Variants in SPECC1 observed in about 807,000 individuals in gnomAD.
SPECC1 encodes cytospin-B.
A neutral mutation model predicts 104.1 loss-of-function variants in SPECC1; 62 were observed. That is an observed-to-expected ratio of 0.60 (90% CI 0.49 to 0.74). The LOEUF (loss-of-function observed/expected upper bound fraction) is 0.74. SPECC1 is among the 30% of genes least tolerant of loss of function. The pLI is 0.00. For synonymous variants in SPECC1, 513 were observed against 501.6 expected (o/e 1.02, Z -0.30); for missense variants, 1,306 against 1,310.5 (o/e 1.00, Z 0.05).
chr17:20,061,926 G>C (rs1461580564), intron 1 of SPECC1, among the ~76,000 whole-genome samples: 1 of 151,932 alleles, frequency 6.6e-6, no homozygotes, highest in African/African-American at 2.4e-5. Flanking sequence ...TACCTATTAT[G>C]TTTCAGATCC....
chr17:20,098,271 C>T (rs1276715513), intron 2 of SPECC1, among the ~76,000 whole-genome samples: 2 of 152,202 alleles, frequency 1.3e-5, no homozygotes, highest in African/African-American at 2.4e-5. Context: ...CAGCCAGTGG[C>T]ATCACCCTTA....
intron 3 of SPECC1, among the ~76,000 whole-genome samples, chr17:20,153,177 A>T (rs2032169977): frequency 1.3e-5 from 2 of 152,226 alleles, no homozygotes; most frequent in South Asian, 4.1e-4. Flanking sequence ...GAGGTGTTGA[A>T]ACCGACGGAA....
At position 20,279,901 on chromosome 17, in the gene SPECC1, C is replaced by T. The variant is rs564827939; in HGVS notation, c.2941-17060C>T. ...ATGCAGAAGCAGAGTGGCTGACACA[C>T]GCTGCAACACAGATGGGTCTGAGGA... On this transcript the variant is annotated intron_variant, in intron 12 of 14. Coordinates refer to ENST00000395527, the MANE Select transcript of SPECC1 (RefSeq NM_001243439.2). Among the ~76,000 whole-genome samples, 11 of 152,192 alleles carry T rather than the reference C, an allele frequency of 7.2e-5. No homozygotes were observed. In the South Asian group the frequency reaches 1.0e-3, roughly 14 times the overall value.
At chr17:20,303,655 C>A (rs1205764781) in intron 13 of SPECC1, among the ~76,000 whole-genome samples, 1 of 152,088 alleles carries the variant, frequency 6.6e-6, no homozygotes, top group Non-Finnish European at 1.5e-5. Flanking sequence ...TCTAAACATA[C>A]AAAATTAAGA....
At chr17:20,163,161 CTAAT>C (rs1266145960) in intron 3 of SPECC1, among the ~76,000 whole-genome samples, 2 of 152,132 alleles carry the variant, frequency 1.3e-5, no homozygotes, top group African/African-American at 4.8e-5. Flanking sequence ...AGAGCTTCCC[CTAAT>C]TAAGACAGAA....
chr17:20,222,410 AAG>A (rs1177129146), intron 4 of SPECC1, among the ~76,000 whole-genome samples: 2 of 152,208 alleles, frequency 1.3e-5, no homozygotes, highest in Non-Finnish European at 2.9e-5. Context: ...TGCTGAGGAA[AAG>A]AGTGTGTATT....
At chr17:20,088,344 G>T (rs927883224) in intron 1 of SPECC1, among the ~76,000 whole-genome samples, 54 of 152,194 alleles carry the variant, frequency 3.5e-4, no homozygotes, top group African/African-American at 1.3e-3. Flanking sequence ...AGACTCCTGT[G>T]GCTGCTGAAT....
chr17:20,089,932 C>T (rs1018208719), intron 1 of SPECC1, among the ~76,000 whole-genome samples: 5 of 152,118 alleles, frequency 3.3e-5, no homozygotes, highest in African/African-American at 4.8e-5. Context: ...TAGGGAAGTC[C>T]GGGCTGAAGC....
chr17:20,237,272 G>T, intron 7 of SPECC1: 1 of 1,103,198 alleles, frequency 9.1e-7, no homozygotes, highest in Non-Finnish European at 1.1e-6. Flanking sequence ...GCAGGCCCGA[G>T]TTCTTTTGTT....
chr17:20,243,488 G>C (rs1156393691), intron 7 of SPECC1, among the ~76,000 whole-genome samples: 1 of 152,094 alleles, frequency 6.6e-6, no homozygotes, highest in Non-Finnish European at 1.5e-5. Flanking sequence ...TAAGCCAATA[G>C]CATTCTTAAT....
chr17:20,184,450 G>A (rs1371062423), intron 3 of SPECC1, among the ~76,000 whole-genome samples: 2 of 152,132 alleles, frequency 1.3e-5, no homozygotes, highest in Non-Finnish European at 2.9e-5. Flanking sequence ...GCAAGTAGGG[G>A]ATTTTGATTA....
At position 20,257,502 on chromosome 17, in the gene SPECC1, A is replaced by G. The variant is rs1264827533; in HGVS notation, c.2732A>G (p.Lys911Arg). The G allele has an allele frequency of 1.2e-6, 2 of 1,610,590 alleles. No homozygotes were observed. Among genetic ancestry groups the G allele is most frequent in the South Asian group, 1.1e-5 (1 of 90,402 alleles). ...CTGAAGCCAGACCCCCACCTCCGCA[A>G]GAGTCCCTCACTAGAGTCACTGAGC... ...ETLKPDPHLR[K>R]SPSLESLSRP... is the part of the protein sequence containing the mutation. Residue 911 changes from lysine to arginine, a missense_variant, in exon 11 of 15, where the codon AAG becomes AGG. This residue lies in a region of SPECC1 where 1,177 missense variants were observed against 1,139.9 expected (regional missense o/e 1.03). Transcript: ENST00000395527.
At chr17:20,225,990 G>T (rs1342278241) in intron 4 of SPECC1, among the ~76,000 whole-genome samples, 1 of 151,768 alleles carries the variant, frequency 6.6e-6, no homozygotes, top group African/African-American at 2.4e-5. Context: ...GATACTAGGG[G>T]TGCAATGGTG....
At chr17:20,163,141 T>C in intron 3 of SPECC1, among the ~76,000 whole-genome samples, 1 of 152,160 alleles carries the variant, frequency 6.6e-6, no homozygotes, top group Non-Finnish European at 1.5e-5. Context: ...TGGGTTAAGC[T>C]CCCCATTAAA....
At chr17:20,069,826 A>G (rs1406653337) in intron 1 of SPECC1, among the ~76,000 whole-genome samples, 3 of 151,978 alleles carry the variant, frequency 2.0e-5, no homozygotes, top group Non-Finnish European at 4.4e-5. Context: ...TATAATTAAC[A>G]TTTATAAATA....
chr17:20,315,037 G>A lies in SPECC1; in HGVS notation c.*972G>A, dbSNP rs1039266343. ...CACCTGCGCCTTTGTCCTCCCATTC[G>A]TTTACCCTCCCGTTCACATCCACAC... is the stretch of plus-strand genomic sequence containing the variant. On this transcript the variant is annotated 3_prime_UTR_variant, in exon 15 of 15. Transcript: ENST00000395527. The A allele has an allele frequency of 3.0e-5, 7 of 232,606 alleles. No homozygotes were observed. Among genetic ancestry groups the A allele is most frequent in the Admixed American group, 2.8e-4 (5 of 17,756 alleles). The allele number at this position is 232,606 out of a possible 1,614,324, so 14.4% of individuals were successfully genotyped here. A position where few individuals can be genotyped will look rare whatever the true frequency, so the allele number is the denominator to read the frequency against.
At chr17:20,057,143 T>G (rs2045994934) in intron 1 of SPECC1, among the ~76,000 whole-genome samples, 1 of 152,088 alleles carries the variant, frequency 6.6e-6, no homozygotes, top group African/African-American at 2.4e-5. Context: ...CATATCAAAC[T>G]AAAAAACAGA....
intron 3 of SPECC1, among the ~76,000 whole-genome samples, chr17:20,162,697 C>G (rs1409344151): frequency 6.6e-6 from 1 of 152,178 alleles, no homozygotes; most frequent in Non-Finnish European, 1.5e-5. Flanking sequence ...TTTCTTGGAT[C>G]CTTTTTCTCT....
chr17:20,018,396 G>A (rs1347772102), intron 1 of SPECC1, among the ~76,000 whole-genome samples: 2 of 152,236 alleles, frequency 1.3e-5, no homozygotes, highest in African/African-American at 4.8e-5. Context: ...TATGTGTTTA[G>A]TTTATTGTTT....
Sources: allele counts gnomAD v4.1 joint callset (sites outside exome capture counted in the v4.1 genomes callset), GRCh38; gene constraint gnomAD v4.1.1; regional missense constraint gnomAD v4.1.1; transcripts MANE v1.5; gene names NCBI Gene and HGNC (gene_info 2026-07-23, HGNC 2026-07-21).